Variants in BRINP1 observed in about 807,000 individuals in gnomAD.
The protein encoded by BRINP1 is BMP/retinoic acid-inducible neural-specific protein 1.
BRINP1 carries 17 observed loss-of-function variants against 72.9 expected under a neutral mutation model. The ratio of observed to expected loss-of-function variants is 0.23; its 90% CI spans 0.16 to 0.35. The LOEUF (loss-of-function observed/expected upper bound fraction) is 0.35. Among genes scored for constraint, BRINP1 ranks in the 10% least tolerant of loss-of-function variants. The pLI is 1.00. For missense variants in BRINP1, 850 were observed against 1,001.6 expected, an observed-to-expected ratio of 0.85 and a Z score of 2.04; for synonymous variants, 418 against 378.5, an observed-to-expected ratio of 1.10 and a Z score of -1.21.
At chr9:119,302,645 C>T (rs1290612288) in intron 2 of BRINP1, among the ~76,000 whole-genome samples, 1 of 152,086 alleles carries the variant, frequency 6.6e-6, no homozygotes, top group Non-Finnish European at 1.5e-5. Context: ...AATTTTCTGG[C>T]GTGCATGCTA....
At chr9:119,259,531 CA>C (rs1830478303) in intron 2 of BRINP1, among the ~76,000 whole-genome samples, 1 of 152,160 alleles carries the variant, frequency 6.6e-6, no homozygotes, top group Admixed American at 6.5e-5. Flanking sequence ...TCTGTTGACT[CA>C]ATTTGTCTCT....
At chr9:119,168,280 T>G in intron 7 of BRINP1, 56 bp from the exon 8 acceptor site, 1 of 1,371,014 alleles carries the variant, frequency 7.3e-7, no homozygotes, top group South Asian at 1.5e-5. Context: ...GTCTGTGAGT[T>G]ACAGTTATCC....
chr9:119,270,491 T>C (rs557499585), intron 2 of BRINP1, among the ~76,000 whole-genome samples: 1 of 152,236 alleles, frequency 6.6e-6, no homozygotes, highest in East Asian at 1.9e-4. Context: ...GGCCAGATTC[T>C]GGGTTTGTAT....
At chr9:119,244,285 G>T (rs902022056) in intron 3 of BRINP1, among the ~76,000 whole-genome samples, 2 of 152,074 alleles carry the variant, frequency 1.3e-5, no homozygotes, top group Non-Finnish European at 2.9e-5. Flanking sequence ...CTATCCTTTG[G>T]CCCCCACAGC....
At chr9:119,195,245 A>G (rs1829724813) in intron 7 of BRINP1, among the ~76,000 whole-genome samples, 1 of 152,214 alleles carries the variant, frequency 6.6e-6, no homozygotes, top group South Asian at 2.1e-4. Context: ...CCTGGCACTT[A>G]GTGAGTATTC....
intron 7 of BRINP1, among the ~76,000 whole-genome samples, chr9:119,173,417 A>G (rs948486774): frequency 2.0e-5 from 3 of 150,284 alleles, no homozygotes; most frequent in Non-Finnish European, 4.4e-5. Context: ...TAGGAATCCA[A>G]CTTACAAGGG....
At position 119,277,291 on chromosome 9, in the gene BRINP1, A is replaced by G. The variant is rs191760448; in HGVS notation, c.219-28141T>C. ...CACTCCTCCTTCGCTCTTTCGTCCAATGCATTGGCTTTGAAATCTCCATGA... is the reference window on the plus strand; with the variant it reads ...CACTCCTCCTTCGCTCTTTCGTCCAGTGCATTGGCTTTGAAATCTCCATGA... On this transcript the variant is annotated intron_variant, in intron 2 of 7. Transcript: ENST00000265922. Among the ~76,000 whole-genome samples, 142 of 152,246 alleles carry G rather than the reference A, an allele frequency of 9.3e-4. 1 individual carries two copies. Among genetic ancestry groups the G allele is most frequent in the African/African-American group, 3.3e-3 (139 of 41,540 alleles).
intron 7 of BRINP1, among the ~76,000 whole-genome samples, chr9:119,192,764 T>C (rs191738179): frequency 3.8e-4 from 58 of 152,182 alleles, no homozygotes; most frequent in Middle Eastern, 3.4e-3. Context: ...CCAAAGGAGA[T>C]GAAATCAGCA....
chr9:119,284,039 T>C (rs186082309), intron 2 of BRINP1, among the ~76,000 whole-genome samples: 1 of 152,146 alleles, frequency 6.6e-6, no homozygotes, highest in Non-Finnish European at 1.5e-5. Flanking sequence ...AAATCTATAG[T>C]TTTAATGAGA....
intron 1 of BRINP1, among the ~76,000 whole-genome samples, chr9:119,340,280 C>T (rs774370594): frequency 1.3e-5 from 2 of 152,174 alleles, no homozygotes; most frequent in Non-Finnish European, 2.9e-5. Flanking sequence ...TTACCAGGCA[C>T]CTGGGATGAG....
chr9:119,211,510 A>G, intron 6 of BRINP1, among the ~76,000 whole-genome samples: 1 of 151,994 alleles, frequency 6.6e-6, no homozygotes. Context: ...TTTCTTGAAT[A>G]AAAGTAGAAG....
At chr9:119,169,277 G>C (rs147909906) in intron 7 of BRINP1, among the ~76,000 whole-genome samples, 4 of 152,350 alleles carry the variant, frequency 2.6e-5, no homozygotes, top group Admixed American at 6.5e-5. Context: ...TGCACGCACC[G>C]TGCGCGAGCT....
At chr9:119,212,175 C>A (rs963288305) in intron 6 of BRINP1, among the ~76,000 whole-genome samples, 1 of 152,092 alleles carries the variant, frequency 6.6e-6, no homozygotes, top group Non-Finnish European at 1.5e-5. Flanking sequence ...ATAAGACATC[C>A]ACAGTTCCAT....
At chr9:119,322,084 C>T (rs1248461380) in intron 1 of BRINP1, among the ~76,000 whole-genome samples, 1 of 152,206 alleles carries the variant, frequency 6.6e-6, no homozygotes, top group Non-Finnish European at 1.5e-5. Context: ...CGGAAATATA[C>T]ATTTCCATGT....
chr9:119,296,487 T>A (rs1830879358), intron 2 of BRINP1, among the ~76,000 whole-genome samples: 1 of 152,204 alleles, frequency 6.6e-6, no homozygotes. Context: ...CTAGAACTAA[T>A]ATATGATCCA....
chr9:119,298,221 C>A (rs980660854), intron 2 of BRINP1, among the ~76,000 whole-genome samples: 1 of 152,148 alleles, frequency 6.6e-6, no homozygotes, highest in Admixed American at 6.5e-5. Context: ...ATCCAAAGTC[C>A]GTCCCTCATG....
chr9:119,311,825 A>G (rs577171089), intron 2 of BRINP1, among the ~76,000 whole-genome samples: 1 of 152,314 alleles, frequency 6.6e-6, no homozygotes, highest in African/African-American at 2.4e-5. Context: ...AACACTCCAC[A>G]TTTGGAAGCT....
chr9:119,317,484 T>C (rs1166453904), intron 1 of BRINP1, among the ~76,000 whole-genome samples: 1 of 152,214 alleles, frequency 6.6e-6, no homozygotes, highest in Non-Finnish European at 1.5e-5. Context: ...GAAAGCAGTT[T>C]CTCAAGATGG....
chr9:119,318,410 T>G (rs950575958), intron 1 of BRINP1, among the ~76,000 whole-genome samples: 2 of 152,202 alleles, frequency 1.3e-5, no homozygotes, highest in African/African-American at 4.8e-5. Flanking sequence ...TTGCACTGTT[T>G]TATCATGAGT....
Sources: gnomAD v4.1 joint callset for allele counts (sites outside exome capture counted in the v4.1 genomes callset) on GRCh38, gnomAD v4.1.1 for gene constraint, MANE v1.5 for transcripts, NCBI Gene and HGNC (gene_info 2026-07-23, HGNC 2026-07-21) for gene names.